The following RPSA2 variants were observed in gnomAD, a reference collection of about 807,000 sequenced individuals.
RPSA2 encodes the protein small ribosomal subunit protein uS2B.
the RPSA2 span, among the ~76,000 whole-genome samples, chr19:23,806,001 GTCTATCTATCTA>G: frequency 1.1e-4 from 15 of 132,786 alleles, no homozygotes; most frequent in Admixed American, 7.1e-4. Flanking sequence ...CTATCTGTCT[GTCTATCTATCTA>G]TCTATCTATC....
the RPSA2 span, among the ~76,000 whole-genome samples, chr19:23,864,154 T>C: frequency 6.6e-6 from 1 of 152,242 alleles, no homozygotes; most frequent in East Asian, 1.9e-4. Flanking sequence ...TCTCACATTC[T>C]GAGCAAGATG....
the RPSA2 span, among the ~76,000 whole-genome samples, chr19:23,813,021 A>G: frequency 6.6e-6 from 1 of 152,076 alleles, no homozygotes; most frequent in Non-Finnish European, 1.5e-5. Flanking sequence ...TTGAGCCCAA[A>G]AGATTGAGAC....
chr19:23,758,626 G>T, the RPSA2 span: 1 of 1,486,362 alleles, frequency 6.7e-7, no homozygotes, highest in Non-Finnish European at 9.4e-7. Context: ...TGGTCCAAGT[G>T]GACTGAGGCC....
chr19:23,824,710 T>A, the RPSA2 span, among the ~76,000 whole-genome samples: 1 of 150,888 alleles, frequency 6.6e-6, no homozygotes, highest in East Asian at 2.0e-4. Flanking sequence ...CCATGTACCT[T>A]TTTTTGTAGA....
At chr19:23,779,458 G>A in the RPSA2 span, among the ~76,000 whole-genome samples, 1 of 152,164 alleles carries the variant, frequency 6.6e-6, no homozygotes, top group African/African-American at 2.4e-5. Context: ...ATTTTGATAT[G>A]TTGCTGGGGT....
chr19:23,792,470 T>C, the RPSA2 span, among the ~76,000 whole-genome samples: 5 of 152,194 alleles, frequency 3.3e-5, no homozygotes, highest in African/African-American at 1.2e-4. Context: ...GATGGAGTTG[T>C]TATTGTTTTG....
chr19:23,782,594 A>G, the RPSA2 span: 1 of 152,150 alleles, frequency 6.6e-6, no homozygotes, highest in African/African-American at 2.4e-5. Flanking sequence ...GGCAAGCAAA[A>G]CAGTGATGTA....
the RPSA2 span, among the ~76,000 whole-genome samples, chr19:23,802,413 G>A: frequency 6.6e-6 from 1 of 152,154 alleles, no homozygotes; most frequent in Non-Finnish European, 1.5e-5. Context: ...GAATCAGCCT[G>A]AGTCTCTCCT....
At chr19:23,771,354 C>G in the RPSA2 span, among the ~76,000 whole-genome samples, 3 of 152,196 alleles carry the variant, frequency 2.0e-5, no homozygotes, top group Non-Finnish European at 4.4e-5. Flanking sequence ...ATAAATGACA[C>G]AATTTGCAGG....
At chr19:23,762,747 C>T in the RPSA2 span, among the ~76,000 whole-genome samples, 17 of 151,882 alleles carry the variant, frequency 1.1e-4, no homozygotes, top group Admixed American at 3.3e-4. Flanking sequence ...TATACAAGAC[C>T]CAGGTAAGGA....
At chr19:23,789,739 T>G in the RPSA2 span, among the ~76,000 whole-genome samples, 1 of 151,672 alleles carries the variant, frequency 6.6e-6, no homozygotes. Context: ...AGACAGAGTC[T>G]CGCTCTGTCA....
At chr19:23,859,418 C>G in the RPSA2 span, among the ~76,000 whole-genome samples, 20 of 152,228 alleles carry the variant, frequency 1.3e-4, no homozygotes, top group East Asian at 3.9e-3. Context: ...CACCTGATGT[C>G]AGGAGTTCGA....
At chr19:23,832,384 C>A in the RPSA2 span, 31 of 501,206 alleles carry the variant, frequency 6.2e-5, no homozygotes, top group South Asian at 4.7e-4. Flanking sequence ...TAGACAGAAA[C>A]CCTACAAATG....
chr19:23,767,506 A>G, the RPSA2 span, among the ~76,000 whole-genome samples: 2 of 152,186 alleles, frequency 1.3e-5, no homozygotes, highest in South Asian at 4.1e-4. Context: ...TCCAAAGGAC[A>G]AGAAGATCCC....
chr19:23,761,930 T>TCCTTCCTTCCTTCCTTCCTTCCTTCCTTC, the RPSA2 span, among the ~76,000 whole-genome samples: 8 of 127,442 alleles, frequency 6.3e-5, 2 homozygotes, highest in Non-Finnish European at 9.7e-5. Context: ...CTTTTTTTTT[T>TCCTTCCTTCCTTCCTTCCTTCCTTCCTTC]TTTTTGAGAT....
chr19:23,829,941 A>T, the RPSA2 span, among the ~76,000 whole-genome samples: 44 of 152,098 alleles, frequency 2.9e-4, no homozygotes, highest in Admixed American at 2.5e-3. Context: ...AATTATGTGT[A>T]GCTTTTTGAA....
chr19:23,798,520 G>A, the RPSA2 span, among the ~76,000 whole-genome samples: 1,654 of 152,166 alleles, frequency 0.011, 33 homozygotes, highest in African/African-American at 0.038. Context: ...TGTCTACTTT[G>A]AATGAATTCC....
the RPSA2 span, among the ~76,000 whole-genome samples, chr19:23,798,525 A>C: frequency 6.6e-6 from 1 of 152,192 alleles, no homozygotes; most frequent in Non-Finnish European, 1.5e-5. Flanking sequence ...ACTTTGAATG[A>C]ATTCCTTAAT....
the RPSA2 span, among the ~76,000 whole-genome samples, chr19:23,786,075 G>A: frequency 1.3e-5 from 2 of 152,174 alleles, no homozygotes; most frequent in East Asian, 1.9e-4. Flanking sequence ...TTGGAATGAT[G>A]ATTTATTTCT....
Sources: gnomAD v4.1 joint callset for allele counts (sites outside exome capture counted in the v4.1 genomes callset) on GRCh38, gnomAD v4.1.1 for gene constraint, MANE v1.5 for transcripts, NCBI Gene and HGNC (gene_info 2026-07-23, HGNC 2026-07-21) for gene names.